The following ASXL1 variants were observed in gnomAD, a reference collection of about 807,000 sequenced individuals.
ASXL1 encodes polycomb group protein ASXL1.
A neutral mutation model predicts 89.1 loss-of-function variants in ASXL1; 65 were observed. The ratio of observed to expected loss-of-function variants is 0.73; its 90% CI spans 0.60 to 0.90. The LOEUF (loss-of-function observed/expected upper bound fraction) is 0.90, where lower values mean the gene tolerates loss of function less well. Ranked by LOEUF, ASXL1 falls within the 40% of genes least tolerant of loss-of-function variation. The pLI is 0.00. For synonymous variants in ASXL1, 739 were observed against 746.9 expected (o/e 0.99, Z 0.17); for missense variants, 1,786 against 1,942.9 (o/e 0.92, Z 1.52).
chr20:32,374,437 A>G (rs2048345151), intron 4 of ASXL1, among the ~76,000 whole-genome samples: 1 of 152,082 alleles, frequency 6.6e-6, no homozygotes, highest in Non-Finnish European at 1.5e-5. Flanking sequence ...GACCACAGGC[A>G]TGCACCACTG....
intron 4 of ASXL1, chr20:32,372,309 A>G: frequency 1.7e-6 from 2 of 1,207,360 alleles, no homozygotes; most frequent in Non-Finnish European, 2.1e-6. Flanking sequence ...TTTGCTCAGT[A>G]CCTCATCTTA....
At chr20:32,418,638 C>T (rs1256536886) in intron 4 of ASXL1, among the ~76,000 whole-genome samples, 1 of 152,040 alleles carries the variant, frequency 6.6e-6, no homozygotes, top group African/African-American at 2.4e-5. Flanking sequence ...CCAGTCTACT[C>T]ATTTAATTAC....
At chr20:32,385,405 TGAGAG>T (rs2048563070) in intron 4 of ASXL1, among the ~76,000 whole-genome samples, 1 of 152,218 alleles carries the variant, frequency 6.6e-6, no homozygotes, top group African/African-American at 2.4e-5. Flanking sequence ...TTGTACATCA[TGAGAG>T]GAGTAGGGAG....
chr20:32,429,833 T>A lies in ASXL1; in HGVS notation c.566-68T>A, dbSNP rs2123220497. On this transcript the variant is annotated intron_variant, in intron 7 of 12. Coordinates refer to ENST00000375687, the MANE Select transcript of ASXL1 (RefSeq NM_015338.6). The surrounding 1 kb of genome is among the most constrained non-coding windows in gnomAD (Gnocchi z 4.9). ...GCATCTCAGGGAGAGCTGGGAGAAA[T>A]GAGCTTGTCTGAGAGCCATGGGCGC... 1 of 1,573,560 alleles carries A rather than the reference T, an allele frequency of 6.4e-7. No homozygotes were observed. Among genetic ancestry groups the A allele is most frequent in the South Asian group, 1.1e-5 (1 of 88,748 alleles).
At chr20:32,382,061 T>G (rs551322499) in intron 4 of ASXL1, among the ~76,000 whole-genome samples, 40 of 151,666 alleles carry the variant, frequency 2.6e-4, no homozygotes, top group Admixed American at 8.6e-4. Flanking sequence ...GTTCAAGTGA[T>G]TCTCCTGCCC....
At chr20:32,426,152 A>G (rs1313365234) in intron 4 of ASXL1, among the ~76,000 whole-genome samples, 2 of 152,210 alleles carry the variant, frequency 1.3e-5, no homozygotes, top group African/African-American at 4.8e-5. Flanking sequence ...CTCCTTTGTA[A>G]GAATCAATAT....
At chr20:32,401,088 A>G (rs2048863424) in intron 4 of ASXL1, among the ~76,000 whole-genome samples, 1 of 152,222 alleles carries the variant, frequency 6.6e-6, no homozygotes, top group African/African-American at 2.4e-5. Flanking sequence ...ATAACATTTT[A>G]CATAACCATA....
chr20:32,407,055 T>C (rs1264613266), intron 4 of ASXL1, among the ~76,000 whole-genome samples: 2 of 152,060 alleles, frequency 1.3e-5, no homozygotes, highest in East Asian at 1.9e-4. Flanking sequence ...AGAATTGAAA[T>C]ATATAGGTGG....
chr20:32,358,910 G>GC, intron 1 of ASXL1, 78 bp downstream of exon 1: 1 of 1,364,624 alleles, frequency 7.3e-7, no homozygotes, highest in Non-Finnish European at 9.6e-7. Context: ...ACTGGGGGGG[G>GC]AGGGGCAAGG....
chr20:32,414,300 CTTCT>C (rs1367851194), intron 4 of ASXL1, among the ~76,000 whole-genome samples: 6 of 150,960 alleles, frequency 4.0e-5, no homozygotes, highest in African/African-American at 1.5e-4. Context: ...CTTAATGGAG[CTTCT>C]TTTTCTTTTT....
At chr20:32,418,807 ATCTTTTTTTTTTTT>A (rs2049184301) in intron 4 of ASXL1, among the ~76,000 whole-genome samples, 2 of 101,402 alleles carry the variant, frequency 2.0e-5, no homozygotes, top group Non-Finnish European at 3.9e-5. Context: ...AAGAATTGAC[ATCTTTTTTTTTTTT>A]TTTTTTTTTT....
At chr20:32,378,012 CAG>C (rs2048417346) in intron 4 of ASXL1, among the ~76,000 whole-genome samples, 1 of 48,332 alleles carries the variant, frequency 2.1e-5, no homozygotes, top group Non-Finnish European at 3.9e-5. Flanking sequence ...GTTTTGGAGA[CAG>C]AGTCTCACTC....
chr20:32,404,821 A>G (rs1307886954), intron 4 of ASXL1, among the ~76,000 whole-genome samples: 1 of 152,050 alleles, frequency 6.6e-6, no homozygotes, highest in Non-Finnish European at 1.5e-5. Flanking sequence ...TTCTATTCCT[A>G]GTTTACTGAG....
chr20:32,358,753 T>TGCCGCC lies in ASXL1; in HGVS notation c.-15_-10dup, dbSNP rs764597521. On this transcript the variant is annotated 5_prime_UTR_variant, in exon 1 of 13. Coordinates refer to ENST00000375687, the MANE Select transcript of ASXL1 (RefSeq NM_015338.6). ...CCAGCCCGGAGGTCCCGCGTGGAGC[T>TGCCGCC]GCCGCCGCCGCCGGGGAGAAGGATG... 1.7e-5 allele frequency: 20 copies of TGCCGCC among 1,200,516 alleles called. No individual in the cohort carries two copies. In the South Asian group the frequency reaches 1.9e-4, roughly 11 times the overall value. 74.4% of individuals were successfully genotyped at this position (1,200,516 alleles called of 1,614,324 possible).
At chr20:32,402,582 A>G (rs1218294202) in intron 4 of ASXL1, among the ~76,000 whole-genome samples, 9 of 152,364 alleles carry the variant, frequency 5.9e-5, no homozygotes, top group South Asian at 2.1e-4. Context: ...CTAACAATGT[A>G]TAAGAAATCC....
Position 32,435,630 on chromosome 20 carries a change from G to GT in ASXL1, c.2920dup (p.Tyr974LeufsTer8). The GT allele has an allele frequency of 6.2e-7, 1 of 1,614,150 alleles. No homozygotes were observed. The highest frequency in any genetic ancestry group is 8.5e-7 in the Non-Finnish European group (1 of 1,180,038). On this transcript the variant is annotated frameshift_variant, in exon 13 of 13. Transcript: ENST00000375687. LOFTEE classifies it low-confidence loss of function (END_TRUNC). ...CGAGGAGGCAGTGACAGCAATGGCA[G>GT]TTACTGTCAACAGGTGGACATTGAA...
chr20:32,435,626 G>GCAA lies in ASXL1; in HGVS notation c.2914_2915insCAA (p.Gly972delinsAlaSer). ...ATCTCGAGGAGGCAGTGACAGCAATGGCAGTTACTGTCAACAGGTGGACAT... is the reference window on the plus strand; with the variant it reads ...ATCTCGAGGAGGCAGTGACAGCAATGCAAGCAGTTACTGTCAACAGGTGGACAT... On this transcript the variant is annotated protein_altering_variant, in exon 13 of 13. Coordinates refer to ENST00000375687, the MANE Select transcript of ASXL1 (RefSeq NM_015338.6). The GCAA allele has an allele frequency of 6.2e-7, 1 of 1,614,130 alleles. No individual in the cohort carries two copies. Among genetic ancestry groups the GCAA allele is most frequent in the Non-Finnish European group, 8.5e-7 (1 of 1,180,034 alleles).
chr20:32,390,489 A>G (rs967376899), intron 4 of ASXL1, among the ~76,000 whole-genome samples: 1 of 152,098 alleles, frequency 6.6e-6, no homozygotes, highest in African/African-American at 2.4e-5. Context: ...AAAAAAATAT[A>G]TTTTTGAGAC....
chr20:32,372,774 T>A (rs1177470476), intron 4 of ASXL1, among the ~76,000 whole-genome samples: 1 of 151,646 alleles, frequency 6.6e-6, no homozygotes, highest in African/African-American at 2.4e-5. Flanking sequence ...TTTGTATTTT[T>A]AGTAGAGATG....
Sources: gnomAD v4.1 joint callset for allele counts (sites outside exome capture counted in the v4.1 genomes callset) on GRCh38, gnomAD v4.1.1 for gene constraint, Gnocchi (gnomAD v3.1) non-coding constraint, MANE v1.5 for transcripts, NCBI Gene and HGNC (gene_info 2026-07-23, HGNC 2026-07-21) for gene names.